MALAT1: variants seen among roughly 807,000 people sequenced by gnomAD.
MALAT1 encodes the protein metastasis associated lung adenocarcinoma transcript 1.
chr11:65,504,696 A>G (rs1369945295), intron 3 of MALAT1: 1 of 519,002 alleles, frequency 1.9e-6, no homozygotes, highest in Non-Finnish European at 3.8e-6. Flanking sequence ...CATTCCAAAC[A>G]AGCAACAGTC....
chr11:65,505,262 A>G (rs1353041884), intron 3 of MALAT1: 1 of 518,500 alleles, frequency 1.9e-6, no homozygotes, highest in East Asian at 5.5e-5. Flanking sequence ...GAGACAACAA[A>G]GCGCTATTAT....
chr11:65,498,611 C>G (rs1400475607), intron 1 of MALAT1: 1 of 518,654 alleles, frequency 1.9e-6, no homozygotes, highest in African/African-American at 1.9e-5. Context: ...ACCGTCCCTG[C>G]AAGGCTGGGG....
chr11:65,500,722 AGCAT>A (rs1286977422), exon 3 of MALAT1: 1 of 519,054 alleles, frequency 1.9e-6, no homozygotes, highest in Non-Finnish European at 3.8e-6. Flanking sequence ...ATCCTAGACC[AGCAT>A]GCCAGTGTGC....
At chr11:65,505,985 T>C in intron 3 of MALAT1, 1 of 457,380 alleles carries the variant, frequency 2.2e-6, no homozygotes, top group South Asian at 1.6e-5. Context: ...GCTAGCATCT[T>C]AGCGGAAGCT....
chr11:65,503,816 T>C (rs756698825), exon 3 of MALAT1: 11 of 515,752 alleles, frequency 2.1e-5, no homozygotes, highest in Non-Finnish European at 4.3e-5. Flanking sequence ...AAGACAAATT[T>C]TATTCTTCAT....
At chr11:65,504,283 AG>A (rs749683708) in intron 3 of MALAT1, 2 of 481,630 alleles carry the variant, frequency 4.2e-6, no homozygotes, top group East Asian at 5.9e-5. Context: ...GGATGGGAGG[AG>A]GGGGTGGGGC....
intron 3 of MALAT1, chr11:65,504,350 T>TA (rs765096397): frequency 1.9e-6 from 1 of 516,360 alleles, no homozygotes; most frequent in African/African-American, 1.9e-5. Context: ...GCAGTTGTCT[T>TA]GACTTCAGGT....
chr11:65,504,298 CTTG>C (rs559769337), intron 3 of MALAT1: 111 of 492,574 alleles, frequency 2.3e-4, no homozygotes, highest in African/African-American at 5.1e-4. Context: ...GTGGGGCTTA[CTTG>C]TTGTAGCTTT....
At chr11:65,505,624 C>G (rs186457956) in intron 3 of MALAT1, 1 of 518,902 alleles carries the variant, frequency 1.9e-6, no homozygotes, top group South Asian at 1.4e-5. Context: ...CAGCCAGTAG[C>G]TTGGATCCTT....
At chr11:65,499,144 A>C (rs11547520) in exon 3 of MALAT1, 3 of 514,818 alleles carry the variant, frequency 5.8e-6, no homozygotes, top group African/African-American at 3.9e-5. Context: ...ATAGAGATTA[A>C]TACAACTACT....
At chr11:65,505,780 A>G (rs1456736392) in intron 3 of MALAT1, 3 of 516,404 alleles carry the variant, frequency 5.8e-6, no homozygotes, top group Non-Finnish European at 1.2e-5. Context: ...CTATTATAAT[A>G]CTTATCCAGT....
In MALAT1 at chr11:65,504,336, G is replaced by C. The variant is rs567682228; in HGVS notation, n.5168+431G>C. On this transcript the variant is annotated intron_variant and non_coding_transcript_variant, in intron 3 of 3. Coordinates refer to ENST00000619449, the Ensembl canonical transcript of MALAT1. ...TTTTTTTTTTTACAGACTTCACAGA[G>C]AATGCAGTTGTCTTGACTTCAGGTC... 4.1e-5 allele frequency: 21 copies of C among 514,084 alleles called. No individual in the cohort carries two copies. In the East Asian group the frequency reaches 1.0e-3, roughly 25 times the overall value. The allele number at this position is 514,084 out of a possible 1,614,324, so 31.8% of individuals were successfully genotyped here.
intron 3 of MALAT1, chr11:65,505,767 G>A: frequency 1.9e-6 from 1 of 518,656 alleles, no homozygotes; most frequent in Non-Finnish European, 3.9e-6. Flanking sequence ...CAGCTAAGTA[G>A]CTCTATTATA....
exon 3 of MALAT1, chr11:65,502,570 G>C (rs745843380): frequency 2.1e-6 from 1 of 484,468 alleles, no homozygotes; most frequent in South Asian, 1.5e-5. Context: ...TGATAGTTCA[G>C]CTTGAATGTC....
exon 3 of MALAT1, chr11:65,500,925 A>G (rs1162083655): frequency 9.8e-6 from 5 of 509,354 alleles, no homozygotes; most frequent in Admixed American, 4.1e-5. Flanking sequence ...TCTCTTTTTC[A>G]GGCTTATACT....
At chr11:65,497,927 G>A in intron 1 of MALAT1, 1 of 518,828 alleles carries the variant, frequency 1.9e-6, no homozygotes. Flanking sequence ...ACGCAGCGAC[G>A]AGTTGTGCTG....
At chr11:65,503,995 C>G (rs755939890) in intron 3 of MALAT1, 3 of 516,726 alleles carry the variant, frequency 5.8e-6, no homozygotes, top group African/African-American at 3.9e-5. Flanking sequence ...TAGAGTAATA[C>G]TTTTTCACAT....
chr11:65,501,502 T>A, exon 3 of MALAT1: 1 of 518,198 alleles, frequency 1.9e-6, no homozygotes, highest in South Asian at 1.4e-5. Context: ...CCCTTAAACT[T>A]GTTATTTTTT....
At position 65,505,339 on chromosome 11, in the gene MALAT1, C is replaced by A. The variant is rs757223857; in HGVS notation, n.5169-921C>A. 1.2e-5 allele frequency: 6 copies of A among 518,870 alleles called. No homozygotes were observed. In the East Asian group the frequency reaches 3.3e-4, roughly 28 times the overall value. 32.1% of individuals were successfully genotyped at this position (518,870 alleles called of 1,614,324 possible). A position where few individuals can be genotyped will look rare whatever the true frequency, so the allele number is the denominator to read the frequency against. ...AGTAATGAGGACTTGCCTCAACTCC[C>A]TCTTTCTGGAGTGAAGCATCCGAAG... is the stretch of plus-strand genomic sequence containing the variant. On this transcript the variant is annotated intron_variant and non_coding_transcript_variant, in intron 3 of 3. Transcript: ENST00000619449.
Sources: allele counts gnomAD v4.1 joint callset, GRCh38; gene constraint gnomAD v4.1.1; transcripts MANE v1.5; gene names NCBI Gene and HGNC (gene_info 2026-07-23, HGNC 2026-07-21).